The following NFKB1 variants were observed in gnomAD, a reference collection of about 807,000 sequenced individuals.
The protein encoded by NFKB1 is nuclear factor kappa B subunit 1, also known as nuclear factor NF-kappa-B p105 subunit.
In NFKB1, 9 loss-of-function variants were observed where a neutral mutation model predicts 105.1. The observed-to-expected ratio is 0.09, with a 90% confidence interval of 0.05 to 0.15. The LOEUF is 0.15. Ranked by LOEUF, NFKB1 falls within the 10% of genes least tolerant of loss-of-function variation. The pLI, the probability that NFKB1 is intolerant of heterozygous loss-of-function variation, is 1.00. For synonymous variants in NFKB1, 440 were observed against 442.2 expected (o/e 1.00, Z 0.06); for missense variants, 830 against 1,203.7 (o/e 0.69, Z 4.59).
intron 6 of NFKB1, among the ~76,000 whole-genome samples, chr4:102,570,376 C>G (rs1724233434): frequency 6.6e-6 from 1 of 152,162 alleles, no homozygotes; most frequent in African/African-American, 2.4e-5. Context: ...CATGTTCCTG[C>G]AAAACATATG....
At chr4:102,576,820 A>G in intron 6 of NFKB1, 56 bp from the exon 7 acceptor site, 1 of 1,549,246 alleles carries the variant, frequency 6.5e-7, no homozygotes, top group Non-Finnish European at 8.7e-7. Context: ...TTCCCTAGAC[A>G]TTAAGTGCCT....
intron 1 of NFKB1, among the ~76,000 whole-genome samples, chr4:102,508,319 A>C (rs1739560071): frequency 1.3e-5 from 2 of 152,194 alleles, no homozygotes; most frequent in Non-Finnish European, 2.9e-5. Flanking sequence ...ATAAAATTAA[A>C]ATGATGATGA....
chr4:102,514,142 T>C (rs1359706384), intron 1 of NFKB1, among the ~76,000 whole-genome samples: 1 of 151,346 alleles, frequency 6.6e-6, no homozygotes, highest in Admixed American at 6.6e-5. Context: ...GCCACTGCAC[T>C]CCAGCCTGGG....
intron 5 of NFKB1, among the ~76,000 whole-genome samples, chr4:102,546,916 T>C (rs1182907959): frequency 6.6e-6 from 1 of 152,156 alleles, no homozygotes; most frequent in Admixed American, 6.6e-5. Context: ...CAGAGTTAAG[T>C]GTATGCTCCC....
intron 1 of NFKB1, among the ~76,000 whole-genome samples, chr4:102,515,782 T>C (rs1740138570): frequency 1.3e-5 from 2 of 152,314 alleles, no homozygotes; most frequent in South Asian, 4.1e-4. Context: ...ATCGTCTGTT[T>C]AGGAAATTAA....
rs763460676 is a variant in NFKB1 at position 102,612,037 on chromosome 4, C to CCAA, written c.2353-4_2353-2dup. On this transcript the variant is annotated splice_polypyrimidine_tract_variant and splice_region_variant and intron_variant, in intron 20 of 23. Transcript: ENST00000226574. The stretch of plus-strand genomic sequence containing the variant: ...ATAACGATTTCTGGTGTTTTTCTTT[C>CCAA]CAACAGGTATTTGACATATTAAATG... 7.4e-6 allele frequency: 12 copies of CCAA among 1,612,426 alleles called. No homozygotes were observed. The highest frequency in any genetic ancestry group is 7.6e-6 in the Non-Finnish European group (9 of 1,178,664).
intron 5 of NFKB1, among the ~76,000 whole-genome samples, chr4:102,553,588 A>G (rs769376510): frequency 1.1e-4 from 16 of 152,088 alleles, no homozygotes; most frequent in Non-Finnish European, 1.9e-4. Context: ...AATTATTTTT[A>G]TGTTATTAGG....
At chr4:102,575,241 CTG>C (rs1304686804) in intron 6 of NFKB1, among the ~76,000 whole-genome samples, 3 of 152,188 alleles carry the variant, frequency 2.0e-5, no homozygotes, top group Non-Finnish European at 2.9e-5. Flanking sequence ...ATTTTCTGTT[CTG>C]TGTCTTAGCT....
chr4:102,594,149 G>A (rs1279069362), intron 12 of NFKB1, among the ~76,000 whole-genome samples: 3 of 152,104 alleles, frequency 2.0e-5, no homozygotes, highest in Admixed American at 1.3e-4. Flanking sequence ...AGAGTCATAG[G>A]TGCAACGTTT....
chr4:102,556,136 C>T (rs1451254325), intron 5 of NFKB1, among the ~76,000 whole-genome samples: 1 of 152,156 alleles, frequency 6.6e-6, no homozygotes, highest in African/African-American at 2.4e-5. Flanking sequence ...GACGATTTTG[C>T]TGCACTTTTT....
chr4:102,543,232 C>T (rs1462557970), intron 5 of NFKB1, among the ~76,000 whole-genome samples: 1 of 152,080 alleles, frequency 6.6e-6, no homozygotes, highest in Non-Finnish European at 1.5e-5. Flanking sequence ...GAAGCAGCCC[C>T]ATGGGACTTC....
chr4:102,511,045 T>C (rs1336141940), intron 1 of NFKB1: 6 of 809,648 alleles, frequency 7.4e-6, no homozygotes, highest in Non-Finnish European at 1.0e-5. Flanking sequence ...TGCTTGTTTA[T>C]AGAAGCTCTT....
At chr4:102,513,500 A>G (rs1456688338) in intron 1 of NFKB1, among the ~76,000 whole-genome samples, 1 of 152,192 alleles carries the variant, frequency 6.6e-6, no homozygotes, top group African/African-American at 2.4e-5. Context: ...GAAGACAACC[A>G]TAGGCAAAAA....
At position 102,616,417 on chromosome 4, in the gene NFKB1, G is replaced by A. The variant is rs1306448777; in HGVS notation, c.2750-17G>A. 4 of 1,612,732 alleles carry A rather than the reference G, an allele frequency of 2.5e-6. No individual in the cohort carries two copies. The highest frequency in any genetic ancestry group is 1.7e-5 in the Admixed American group (1 of 59,990). Reference sequence around the variant, plus strand: ...GCCCGGCCATTCCCCCAGTGAATTTGTGCTTTCTCCCCTCAGACGAGCTCC... The same window carrying A: ...GCCCGGCCATTCCCCCAGTGAATTTATGCTTTCTCCCCTCAGACGAGCTCC... On this transcript the variant is annotated splice_polypyrimidine_tract_variant and intron_variant, in intron 23 of 23. Transcript: ENST00000226574.
At chr4:102,520,630 G>A (rs1031242543) in intron 1 of NFKB1, among the ~76,000 whole-genome samples, 2 of 152,042 alleles carry the variant, frequency 1.3e-5, no homozygotes, top group African/African-American at 2.4e-5. Context: ...AAATCTAAAT[G>A]TTGTAGTGCA....
At chr4:102,550,490 C>T (rs1578750694) in intron 5 of NFKB1, among the ~76,000 whole-genome samples, 1 of 152,252 alleles carries the variant, frequency 6.6e-6, no homozygotes, top group East Asian at 1.9e-4. Context: ...TCCCTCCCTC[C>T]CCTCATCCCA....
chr4:102,561,866 A>C (rs1578764523), intron 5 of NFKB1, among the ~76,000 whole-genome samples: 1 of 152,282 alleles, frequency 6.6e-6, no homozygotes, highest in South Asian at 2.1e-4. Flanking sequence ...TAGTTACTGA[A>C]CCCTGTCTTC....
chr4:102,509,197 T>C (rs1379469074), intron 1 of NFKB1, among the ~76,000 whole-genome samples: 1 of 152,224 alleles, frequency 6.6e-6, no homozygotes, highest in Admixed American at 6.5e-5. Context: ...ATAGCGTTAA[T>C]TTGAGATAAT....
intron 3 of NFKB1, among the ~76,000 whole-genome samples, chr4:102,530,617 A>G (rs73837258): frequency 0.023 from 3,486 of 152,298 alleles, 64 homozygotes; most frequent in African/African-American, 0.058. Flanking sequence ...TGAGTGAATT[A>G]TGGAAGTTAT....
Sources: gnomAD v4.1 joint callset for allele counts (sites outside exome capture counted in the v4.1 genomes callset) on GRCh38, gnomAD v4.1.1 for gene constraint, MANE v1.5 for transcripts, NCBI Gene and HGNC (gene_info 2026-07-23, HGNC 2026-07-21) for gene names.